Variants in DTNB observed in about 807,000 individuals in gnomAD.
The protein encoded by DTNB is dystrobrevin beta, also known as DTN-B.
Under a neutral mutation model 90.7 loss-of-function variants are expected in DTNB, and 63 were observed. The observed-to-expected ratio is 0.69, with a 90% confidence interval of 0.57 to 0.86. DTNB has a LOEUF of 0.86. DTNB is among the 40% of genes least tolerant of loss of function. The pLI, the probability that DTNB is intolerant of heterozygous loss-of-function variation, is 0.00. For missense variants in DTNB, 744 were observed against 807.1 expected (o/e 0.92, Z 0.95); for synonymous variants, 277 against 286.7 (o/e 0.97, Z 0.34).
chr2:25,540,728 A>G (rs1401489824), intron 8 of DTNB, among the ~76,000 whole-genome samples: 1 of 152,076 alleles, frequency 6.6e-6, no homozygotes, highest in East Asian at 1.9e-4. Flanking sequence ...GATCCTGTTG[A>G]TCTATGACCT....
At chr2:25,474,824 T>G (rs1220299570) in intron 10 of DTNB, among the ~76,000 whole-genome samples, 1 of 152,198 alleles carries the variant, frequency 6.6e-6, no homozygotes, top group African/African-American at 2.4e-5. Context: ...CTGGCAATGC[T>G]TCAAACTTCT....
At chr2:25,474,119 A>G (rs1360906166) in intron 10 of DTNB, among the ~76,000 whole-genome samples, 1 of 152,222 alleles carries the variant, frequency 6.6e-6, no homozygotes, top group Non-Finnish European at 1.5e-5. Context: ...AGAACTGGTG[A>G]AAGGCTTACC....
chr2:25,430,906 A>G (rs921824188), intron 14 of DTNB, among the ~76,000 whole-genome samples: 3 of 152,138 alleles, frequency 2.0e-5, no homozygotes, highest in Non-Finnish European at 2.9e-5. Flanking sequence ...AATAATAATA[A>G]AGGAAGAAAA....
At chr2:25,431,309 C>G (rs531388019) in intron 14 of DTNB, among the ~76,000 whole-genome samples, 1 of 152,082 alleles carries the variant, frequency 6.6e-6, no homozygotes, top group East Asian at 1.9e-4. Context: ...TCAAGCAATT[C>G]TCCTGCCTCA....
At chr2:25,563,881 A>C (rs1490235301) in intron 8 of DTNB, among the ~76,000 whole-genome samples, 1 of 152,070 alleles carries the variant, frequency 6.6e-6, no homozygotes, top group Admixed American at 6.6e-5. Flanking sequence ...CAAATTTGCT[A>C]TTCTTTTTTT....
At chr2:25,555,291 C>CAA (rs1194525010) in intron 8 of DTNB, among the ~76,000 whole-genome samples, 97 of 53,782 alleles carry the variant, frequency 1.8e-3, no homozygotes, top group African/African-American at 4.0e-3. Flanking sequence ...ACTCCGTCTC[C>CAA]AAAAAAAAAA....
intron 12 of DTNB, among the ~76,000 whole-genome samples, chr2:25,444,069 T>C (rs2058004701): frequency 2.6e-5 from 4 of 152,192 alleles, no homozygotes; most frequent in Admixed American, 2.6e-4. Context: ...TTCTTTCACC[T>C]TTCTTCCAAG....
intron 8 of DTNB, among the ~76,000 whole-genome samples, chr2:25,564,148 G>A (rs2058667728): frequency 6.6e-6 from 1 of 152,038 alleles, no homozygotes. Context: ...TGATCCACCT[G>A]CCTCAGCCTC....
chr2:25,414,832 C>T (rs1264508251), intron 16 of DTNB, among the ~76,000 whole-genome samples: 5 of 151,998 alleles, frequency 3.3e-5, no homozygotes, highest in African/African-American at 7.3e-5. Context: ...CTTTAATTGC[C>T]GTCTGATGAT....
chr2:25,386,628 TTCTC>T (rs1461214309), intron 18 of DTNB, among the ~76,000 whole-genome samples: 1 of 152,180 alleles, frequency 6.6e-6, no homozygotes, highest in South Asian at 2.1e-4. Context: ...GCCTTTTATT[TTCTC>T]TCTCTTTCCT....
At position 25,436,275 on chromosome 2, in the gene DTNB, T is replaced by TA. The variant is rs528792150; in HGVS notation, c.1258-2281dup. On this transcript the variant is annotated intron_variant, in intron 12 of 20. Transcript: ENST00000406818. ...GCTTGAACCTGGGAGGTGGTGGTTA[T>TA]AGTGAGCTGAGATTGTGCCACTGCA... Among the ~76,000 whole-genome samples, 3 of 151,838 alleles carry TA rather than the reference T, an allele frequency of 2.0e-5. No individual in the cohort carries two copies. The South Asian group carries it at 6.2e-4, about 32-fold the overall frequency.
intron 16 of DTNB, among the ~76,000 whole-genome samples, chr2:25,406,282 G>C (rs1298980708): frequency 6.6e-6 from 1 of 152,056 alleles, no homozygotes; most frequent in African/African-American, 2.4e-5. Context: ...GAGAGTAGAG[G>C]CTACTACTGG....
At chr2:25,541,830 C>A (rs1451581364) in intron 8 of DTNB, among the ~76,000 whole-genome samples, 1 of 152,122 alleles carries the variant, frequency 6.6e-6, no homozygotes, top group East Asian at 1.9e-4. Context: ...TTTGAGGAAC[C>A]ACCATACTAC....
chr2:25,543,292 GTTTT>G (rs1230730527), intron 8 of DTNB, among the ~76,000 whole-genome samples: 1 of 146,328 alleles, frequency 6.8e-6, no homozygotes, highest in South Asian at 2.2e-4. Flanking sequence ...ATAGAGACAG[GTTTT>G]TTTTGTTTTG....
intron 2 of DTNB, among the ~76,000 whole-genome samples, chr2:25,642,942 G>A (rs1377979001): frequency 4.6e-5 from 7 of 151,948 alleles, no homozygotes; most frequent in African/African-American, 1.5e-4. Context: ...TAGTAGAGAC[G>A]GGGTTTCACC....
At chr2:25,658,272 G>GA (rs1021149931) in intron 1 of DTNB, among the ~76,000 whole-genome samples, 25 of 145,800 alleles carry the variant, frequency 1.7e-4, no homozygotes, top group South Asian at 6.6e-4. Flanking sequence ...AAAAAAAAAA[G>GA]AAAAAAAAAT....
At chr2:25,508,981 C>G (rs2073262546) in intron 9 of DTNB, among the ~76,000 whole-genome samples, 1 of 152,188 alleles carries the variant, frequency 6.6e-6, no homozygotes, top group Non-Finnish European at 1.5e-5. Context: ...TGCTAATATA[C>G]AGAAATGCCA....
At chr2:25,455,652 T>C (rs1323510181) in intron 10 of DTNB, among the ~76,000 whole-genome samples, 158 bp from the exon 11 acceptor site, 1 of 152,214 alleles carries the variant, frequency 6.6e-6, no homozygotes, top group East Asian at 1.9e-4. Flanking sequence ...TAATGGAATA[T>C]GGTGTTAGAT....
At chr2:25,437,964 A>G (rs980072330) in intron 12 of DTNB, among the ~76,000 whole-genome samples, 2 of 152,206 alleles carry the variant, frequency 1.3e-5, no homozygotes, top group Non-Finnish European at 2.9e-5. Context: ...CAGGGTAAGG[A>G]AACAGTGAAC....
Sources: gnomAD v4.1 joint callset for allele counts (sites outside exome capture counted in the v4.1 genomes callset) on GRCh38, gnomAD v4.1.1 for gene constraint, MANE v1.5 for transcripts, NCBI Gene and HGNC (gene_info 2026-07-23, HGNC 2026-07-21) for gene names.